CCDC47: variants seen among roughly 807,000 people sequenced by gnomAD.
CCDC47 encodes PAT complex subunit CCDC47.
A neutral mutation model predicts 60.5 loss-of-function variants in CCDC47; 41 were observed. The ratio of observed to expected loss-of-function variants is 0.68; its 90% CI spans 0.53 to 0.88. The LOEUF is 0.88. Ranked by LOEUF, CCDC47 falls within the 40% of genes least tolerant of loss-of-function variation. The pLI, the probability that CCDC47 is intolerant of heterozygous loss-of-function variation, is 0.00. For missense variants in CCDC47, 513 were observed against 580.9 expected (o/e 0.88, Z 1.20); for synonymous variants, 195 against 190.7 (o/e 1.02, Z -0.18).
chr17:63,761,899 G>C (rs773656429), intron 4 of CCDC47: 1 of 745,484 alleles, frequency 1.3e-6, no homozygotes, highest in Non-Finnish European at 1.6e-6. Flanking sequence ...ATGCTTGTCA[G>C]TTTAACGATG....
intron 12 of CCDC47, among the ~76,000 whole-genome samples, chr17:63,749,453 G>GA (rs34119562): frequency 0.33 from 33,478 of 101,046 alleles, 4,881 homozygotes; most frequent in Middle Eastern, 0.5. Context: ...CCAGAATAAG[G>GA]AAAAAAAAAA....
rs1269750663 is a variant in CCDC47, at chr17:63,752,334, G to A, written c.1189C>T (p.Arg397Ter). Residue 397 changes from arginine to a stop codon, truncating the protein, a stop_gained, in exon 11 of 13, where the codon CGA (arginine) becomes TGA (stop). Transcript: ENST00000225726. LOFTEE classifies it high-confidence loss of function. ...TTGGGTCTTACTTCTCTGTTGAGTC[G>A]GAACTTTTTGGCTTTATCAATAGAA... The part of the protein sequence containing the change: ...IYSIDKAKKF[R>*]LNREGKQKAD... 8 of 1,611,754 alleles carry A rather than the reference G, an allele frequency of 5.0e-6. No individual in the cohort carries two copies. Among genetic ancestry groups the A allele is most frequent in the East Asian group, 4.5e-5 (2 of 44,862 alleles).
chr17:63,766,078 T>G lies in CCDC47; in HGVS notation c.98A>C (p.Glu33Ala), dbSNP rs775843678. ...DDFEDEEDIV[E>A]YDDNDFAEFE... ...TTCAGCGAAGTCATTATCATCATAC[T>G]CTACTATGTCCTCCTCATCCTCAAA... The change falls in exon 2 of 13, where the codon GAG becomes GCG. Residue 33 changes from glutamate (E) to alanine (A), a missense_variant. Transcript: ENST00000225726. 13 of 1,613,942 alleles carry G rather than the reference T, an allele frequency of 8.1e-6. No homozygotes were observed. In the African/African-American group the frequency reaches 9.3e-5, roughly 12 times the overall value.
At position 63,764,151 on chromosome 17, in the gene CCDC47, GATA is replaced by G; in HGVS notation, c.409_411del (p.Tyr137del). The G allele has an allele frequency of 6.2e-7, 1 of 1,611,552 alleles. No individual in the cohort carries two copies. The highest frequency in any genetic ancestry group is 8.5e-7 in the Non-Finnish European group (1 of 1,179,356). On this transcript the variant is annotated inframe_deletion, in exon 4 of 13. Transcript: ENST00000225726. Reference sequence around the variant, plus strand: ...AGACCAGTCACCATCAAAATTTCTAGATAATAACTCTCCCAGCTGTTCTGGAGG... The same window carrying G: ...AGACCAGTCACCATCAAAATTTCTAGATAACTCTCCCAGCTGTTCTGGAGG...
chr17:63,760,709 G>A lies in CCDC47; in HGVS notation c.735+205C>T, dbSNP rs2144488060. 3.3e-5 allele frequency among the ~76,000 whole-genome samples: 5 copies of A among 151,916 alleles called. No homozygotes were observed. In the East Asian group the frequency reaches 9.7e-4, roughly 29 times the overall value. ...CAAAAATTGGCCAGGCGTGGTGGTG[G>A]GCATCTGTAATCTCAGCTACTTGGG... On this transcript the variant is annotated intron_variant, in intron 6 of 12. Transcript: ENST00000225726.
At chr17:63,751,395 A>AAAAAAAAAAAAAAAAAAAAAAAC (rs2039163989) in intron 12 of CCDC47, among the ~76,000 whole-genome samples, 1 of 147,074 alleles carries the variant, frequency 6.8e-6, no homozygotes, top group Non-Finnish European at 1.5e-5. Context: ...AAAAAAAAAA[A>AAAAAAAAAAAAAAAAAAAAAAAC]AAAAAAAAAT....
chr17:63,750,919 G>GTGGTGTGATCATA (rs1386345854), intron 12 of CCDC47, among the ~76,000 whole-genome samples: 1 of 150,716 alleles, frequency 6.6e-6, no homozygotes, highest in African/African-American at 2.4e-5. Context: ...TGGCTGCCCA[G>GTGGTGTGATCATA]GCTAGAGTGC....
chr17:63,747,002 GA>G (rs774649939), intron 12 of CCDC47, 41 bp from the exon 13 acceptor site: 10 of 1,602,950 alleles, frequency 6.2e-6, no homozygotes, highest in Admixed American at 1.7e-5. Context: ...AGGGAGTGGG[GA>G]CGAGAGAATT....
intron 1 of CCDC47, among the ~76,000 whole-genome samples, chr17:63,770,832 C>CA (rs1422614939): frequency 6.6e-6 from 1 of 150,558 alleles, no homozygotes; most frequent in Non-Finnish European, 1.5e-5. Context: ...CTAAAAATAC[C>CA]AAAAAATTAG....
chr17:63,773,565 G>C lies in CCDC47; in HGVS notation c.-173C>G, dbSNP rs530017984. ...CAGAACCGTAGCTCAGTCACGCCGC[G>C]CCTCTCTTCACGTAGCCTCCGCCGT... is the stretch of plus-strand genomic sequence containing the variant. On this transcript the variant is annotated 5_prime_UTR_variant, in exon 1 of 13. Coordinates refer to ENST00000225726, the MANE Select transcript of CCDC47 (RefSeq NM_020198.3). 1.3e-5 allele frequency: 2 copies of C among 152,428 alleles called. No individual in the cohort carries two copies. Among genetic ancestry groups the C allele is most frequent in the South Asian group, 2.1e-4 (1 of 4,840 alleles). 9.4% of individuals were successfully genotyped at this position (152,428 alleles called of 1,614,324 possible). A position where few individuals can be genotyped will look rare whatever the true frequency, so the allele number is the denominator to read the frequency against.
In CCDC47 at chr17:63,746,850, TG is replaced by T; in HGVS notation, c.*30del. The T allele has an allele frequency of 6.8e-7, 1 of 1,481,044 alleles. No individual in the cohort carries two copies. Among genetic ancestry groups the T allele is most frequent in the Non-Finnish European group, 9.4e-7 (1 of 1,059,242 alleles). 91.7% of individuals were successfully genotyped at this position (1,481,044 alleles called of 1,614,324 possible). A position where few individuals can be genotyped will look rare whatever the true frequency, so the allele number is the denominator to read the frequency against. The stretch of plus-strand genomic sequence containing the variant: ...TTCCTGTGAATTCAGAGCTTACAGG[TG>T]GCATCAGAACTCAAATCTCTGGGAT... On this transcript the variant is annotated 3_prime_UTR_variant, in exon 13 of 13. Transcript: ENST00000225726.
intron 6 of CCDC47, among the ~76,000 whole-genome samples, chr17:63,759,578 A>ATATATAT (rs1568249244): frequency 9.5e-6 from 1 of 104,920 alleles, no homozygotes; most frequent in Non-Finnish European, 2.0e-5. Flanking sequence ...TATATATATA[A>ATATATAT]AACAATGATT....
Position 63,766,071 on chromosome 17 carries a change from A to G in CCDC47, c.105T>C (p.Asp35=), listed in dbSNP as rs767085741. The change falls in exon 2 of 13, where the codon GAT becomes GAC. Residue 35 remains aspartate, a synonymous_variant. Transcript: ENST00000225726. ...FEDEEDIVEY[D]DNDFAEFEDV... ...CCTCAAATTCAGCGAAGTCATTATC[A>G]TCATACTCTACTATGTCCTCCTCAT... is the stretch of plus-strand genomic sequence containing the variant. The G allele has an allele frequency of 1.2e-6, 2 of 1,614,098 alleles. No individual in the cohort carries two copies. Among genetic ancestry groups the G allele is most frequent in the Admixed American group, 1.7e-5 (1 of 59,988 alleles).
In CCDC47 at chr17:63,749,015, GAA is replaced by G. The variant is rs796080522; in HGVS notation, c.1372-2056_1372-2055del. ...GGCGACAGAGTGAGTTTGTCTCAAA[GAA>G]AAAAAAAAAAAAAAGATAAATATAT... On this transcript the variant is annotated intron_variant, in intron 12 of 12. Transcript: ENST00000225726. 5.9e-3 allele frequency among the ~76,000 whole-genome samples: 436 copies of G among 73,372 alleles called. 4 individuals are homozygous for G. The highest frequency in any genetic ancestry group is 0.019 in the African/African-American group (414 of 22,104). The allele number at this position is 73,372 out of a possible 152,430, so 48.1% of individuals were successfully genotyped here.
intron 6 of CCDC47, among the ~76,000 whole-genome samples, chr17:63,759,393 G>A (rs1456593842): frequency 6.8e-6 from 1 of 146,624 alleles, no homozygotes; most frequent in Non-Finnish European, 1.5e-5. Context: ...GGAGGCTGAG[G>A]CAGGAAAATC....
chr17:63,749,619 T>G (rs1259046243), intron 12 of CCDC47, among the ~76,000 whole-genome samples: 1 of 151,634 alleles, frequency 6.6e-6, no homozygotes, highest in Non-Finnish European at 1.5e-5. Flanking sequence ...CATGGTGGCA[T>G]GTGCCTGTAG....
intron 1 of CCDC47, among the ~76,000 whole-genome samples, chr17:63,772,038 C>T (rs970615612): frequency 1.3e-5 from 2 of 151,808 alleles, no homozygotes; most frequent in African/African-American, 2.4e-5. Context: ...GCCAAGATTG[C>T]GCCACTGCAC....
rs1320183421 is a variant in CCDC47 at position 63,773,491 on chromosome 17, C to T, written c.-99G>A. On this transcript the variant is annotated 5_prime_UTR_variant, in exon 1 of 13. Transcript: ENST00000225726. The stretch of plus-strand genomic sequence containing the variant: ...GCCTGCCTCTCGGCCTGGCCGCCGC[C>T]TCCGCGATCGCAGCGGTTTTACTGC... 1 of 153,006 alleles carries T rather than the reference C, an allele frequency of 6.5e-6. No homozygotes were observed. The highest frequency in any genetic ancestry group is 1.9e-4 in the East Asian group (1 of 5,236). 9.5% of individuals were successfully genotyped at this position (153,006 alleles called of 1,614,324 possible).
Position 63,761,330 on chromosome 17 carries a change from T to C in CCDC47, c.569A>G (p.Glu190Gly). Residue 190 changes from glutamate to glycine, a missense_variant, in exon 5 of 13, where the codon GAA becomes GGA. Coordinates refer to ENST00000225726, the MANE Select transcript of CCDC47 (RefSeq NM_020198.3). ...GTTCAACTTTCCTGTGCTTGTGGCT[T>C]CTTTGTTAGTTCCATCATCCCCTAG... ...TLVGDDGTNK[E>G]ATSTGKLNQE... 6.2e-7 allele frequency: 1 copy of C among 1,614,014 alleles called. No individual in the cohort carries two copies. The highest frequency in any genetic ancestry group is 8.5e-7 in the Non-Finnish European group (1 of 1,179,984).
Sources: allele counts gnomAD v4.1 joint callset (sites outside exome capture counted in the v4.1 genomes callset), GRCh38; gene constraint gnomAD v4.1.1; transcripts MANE v1.5; gene names NCBI Gene and HGNC (gene_info 2026-07-23, HGNC 2026-07-21).